The following UPRT variants were observed in gnomAD, a reference collection of about 807,000 sequenced individuals.
UPRT encodes RP11-311P8.3.
In UPRT, 5 loss-of-function variants were observed where a neutral mutation model predicts 22.6. The observed-to-expected ratio is 0.22, with a 90% CI of 0.12 to 0.47. UPRT has a LOEUF of 0.47. UPRT is among the 20% of genes least tolerant of loss of function. The probability of loss-of-function intolerance (pLI) is 0.99; values close to 1 mark genes in which losing one functional copy is unlikely to be tolerated. For synonymous variants in UPRT, 77 were observed against 87.7 expected (o/e 0.88, Z 0.68); for missense variants, 181 against 239.9 (o/e 0.75, Z 1.62).
At chrX:75,188,074 A>G (rs1310562909) in intron 4 of UPRT, among the ~76,000 whole-genome samples, 6 of 112,138 alleles carry the variant, frequency 5.4e-5, no homozygotes, top group Non-Finnish European at 7.5e-5. Context: ...GAGGAACTGC[A>G]TTCCTTTGGA....
intron 4 of UPRT, among the ~76,000 whole-genome samples, chrX:75,193,314 G>A (rs1191158440): frequency 8.9e-6 from 1 of 111,993 alleles, no homozygotes; most frequent in Non-Finnish European, 1.9e-5. Context: ...GGCTCTGTAG[G>A]GTTTCTGCTG....
At chrX:75,270,140 G>A (rs930564861), upstream of UPRT, among the ~76,000 whole-genome samples, 2 of 111,637 alleles carry the variant, frequency 1.8e-5, no homozygotes, top group African/African-American at 3.3e-5. Context: ...TGCAGCCAAC[G>A]AACATATGAA....
chrX:75,176,336 T>C (rs925336553), intron 4 of UPRT, among the ~76,000 whole-genome samples: 2 of 111,197 alleles, frequency 1.8e-5, no homozygotes, highest in African/African-American at 6.6e-5. Flanking sequence ...ATACCAGGTA[T>C]CTCCAAACTC....
chrX:75,161,496 T>C (rs1048603106), intron 2 of UPRT, among the ~76,000 whole-genome samples: 2 of 112,852 alleles, frequency 1.8e-5, no homozygotes, highest in African/African-American at 6.4e-5. Flanking sequence ...AAAAAAAATC[T>C]TTTACAAATT....
chrX:75,216,169 C>G (rs1041826915), intron 4 of UPRT, among the ~76,000 whole-genome samples: 1 of 111,907 alleles, frequency 8.9e-6, no homozygotes, highest in African/African-American at 3.2e-5. Context: ...TTATATGCCA[C>G]AATCAAGTGG....
intron 6 of UPRT, among the ~76,000 whole-genome samples, chrX:75,302,065 G>A (rs1397585996): frequency 9.0e-6 from 1 of 111,252 alleles, no homozygotes; most frequent in Admixed American, 9.6e-5. Context: ...TCTCTAGTCA[G>A]GTGTTTTCTC....
At chrX:75,252,434 T>A (rs1278914406) in intron 4 of UPRT, among the ~76,000 whole-genome samples, 1 of 112,050 alleles carries the variant, frequency 8.9e-6, no homozygotes, top group African/African-American at 3.2e-5. Flanking sequence ...AAAAAACACA[T>A]GAAAAAATGC....
chrX:75,258,830 G>A (rs180895497), intron 4 of UPRT, among the ~76,000 whole-genome samples: 21 of 112,089 alleles, frequency 1.9e-4, no homozygotes, highest in African/African-American at 6.5e-4. Context: ...ACTGGGAGAC[G>A]CATCCCAGTA....
chrX:75,172,780 C>G (rs994179656), intron 4 of UPRT, among the ~76,000 whole-genome samples: 1 of 109,125 alleles, frequency 9.2e-6, no homozygotes, highest in Non-Finnish European at 1.9e-5. Context: ...GTTTTTTCCT[C>G]CCGGTGGGCT....
chrX:75,281,772 G>T (rs2082658147), intron 1 of UPRT, among the ~76,000 whole-genome samples: 1 of 111,555 alleles, frequency 9.0e-6, no homozygotes, highest in South Asian at 3.8e-4. Context: ...GGTGATGCTG[G>T]CTTCATAGAA....
chrX:75,281,442 A>G (rs974077842), intron 1 of UPRT, among the ~76,000 whole-genome samples: 2 of 111,361 alleles, frequency 1.8e-5, no homozygotes, highest in African/African-American at 6.5e-5. Flanking sequence ...TGTCCTTTCT[A>G]TGCTGATTTT....
chrX:75,265,508 T>C (rs905186084), intron 4 of UPRT, among the ~76,000 whole-genome samples: 1 of 112,431 alleles, frequency 8.9e-6, no homozygotes, highest in Admixed American at 9.5e-5. Flanking sequence ...ACGTAGTTCT[T>C]GTGCTGTGGT....
upstream of UPRT, among the ~76,000 whole-genome samples, chrX:75,270,734 C>A (rs1200175038): frequency 1.8e-5 from 2 of 110,820 alleles, no homozygotes; most frequent in Non-Finnish European, 3.8e-5. Flanking sequence ...CGGAGGGGAA[C>A]ATCACATGCT....
chrX:75,239,044 T>G (rs944014480), intron 4 of UPRT, among the ~76,000 whole-genome samples: 3 of 110,618 alleles, frequency 2.7e-5, no homozygotes, highest in African/African-American at 9.9e-5. Context: ...AAGCTCACAC[T>G]TCAATGAACT....
chrX:75,237,103 G>GA (rs1358865885), intron 4 of UPRT, among the ~76,000 whole-genome samples: 1 of 111,159 alleles, frequency 9.0e-6, no homozygotes, highest in Non-Finnish European at 1.9e-5. Flanking sequence ...AATTTACAAG[G>GA]AAAAAACAAA....
At chrX:75,286,720 A>G (rs908447449) in intron 1 of UPRT, among the ~76,000 whole-genome samples, 3 of 111,895 alleles carry the variant, frequency 2.7e-5, no homozygotes, top group Non-Finnish European at 3.8e-5. Flanking sequence ...GGAGAGAAGT[A>G]TCATAACAGG....
chrX:75,286,728 A>G (rs1294729674), intron 1 of UPRT, among the ~76,000 whole-genome samples: 1 of 111,985 alleles, frequency 8.9e-6, no homozygotes, highest in East Asian at 2.8e-4. Flanking sequence ...GTATCATAAC[A>G]GGACATCTAA....
At position 75,178,844 on chromosome X, in the gene UPRT, G is replaced by A. The variant is rs374365235; in HGVS notation, c.-447+10965G>A. 7.2e-5 allele frequency among the ~76,000 whole-genome samples: 8 copies of A among 111,569 alleles called. No individual in the cohort carries two copies. The South Asian group carries it at 3.1e-3, about 43-fold the overall frequency. ...AGTGAAAGAACAAAGCTTCCACAGT[G>A]TGGAAGGGGACCTGAGTGGGTTGCC... On this transcript the variant is annotated intron_variant, in intron 4 of 13. Transcript: ENST00000652605.
intron 4 of UPRT, among the ~76,000 whole-genome samples, chrX:75,184,896 C>T (rs1172411765): frequency 9.0e-6 from 1 of 111,478 alleles, no homozygotes; most frequent in African/African-American, 3.3e-5. Flanking sequence ...GCTGAAGTTG[C>T]TTATCAGCTT....
Sources: gnomAD v4.1 joint callset for allele counts (sites outside exome capture counted in the v4.1 genomes callset) on GRCh38, gnomAD v4.1.1 for gene constraint, MANE v1.5 for transcripts, NCBI Gene and HGNC (gene_info 2026-07-23, HGNC 2026-07-21) for gene names.